CRYBB3: variants seen among roughly 807,000 people sequenced by gnomAD.
CRYBB3 encodes crystallin beta B3, also known as beta-crystallin B3.
CRYBB3 carries 35 observed loss-of-function variants against 28.3 expected under a neutral mutation model. That is an observed-to-expected ratio of 1.24 (90% CI 0.95 to 1.64). CRYBB3 has a LOEUF of 1.64. CRYBB3 is among the 40% of genes most tolerant of loss of function. CRYBB3 has a pLI of 0.00. For synonymous variants in CRYBB3, 106 were observed against 110.4 expected, an observed-to-expected ratio of 0.96 and a Z score of 0.25; for missense variants, 296 against 297.4, an observed-to-expected ratio of 1.00 and a Z score of 0.04.
chr22:25,205,646 A>T (rs986868657), intron 5 of CRYBB3, among the ~76,000 whole-genome samples: 1 of 151,966 alleles, frequency 6.6e-6, no homozygotes, highest in Non-Finnish European at 1.5e-5. Flanking sequence ...TTTTTAGTAG[A>T]GACGGGGTTT....
rs748589671 is a variant in CRYBB3, at chr22:25,203,758, CT to C, written c.195-4del. On this transcript the variant is annotated splice_region_variant and splice_polypyrimidine_tract_variant and intron_variant, in intron 3 of 5. Coordinates refer to ENST00000215855, the MANE Select transcript of CRYBB3 (RefSeq NM_004076.5). Reference sequence around the variant, plus strand: ...GTGACCCAGCCAAGCCTCTTCCTCCCTCAGGTGGCTGGCATTTGAGTCCAGG... The same window carrying C: ...GTGACCCAGCCAAGCCTCTTCCTCCCCAGGTGGCTGGCATTTGAGTCCAGG... The C allele has an allele frequency of 1.5e-5, 25 of 1,614,200 alleles. No homozygotes were observed. In the South Asian group the frequency reaches 2.3e-4, roughly 15 times the overall value.
In CRYBB3 at chr22:25,204,025, A is replaced by G. The variant is rs16979730; in HGVS notation, c.327+130A>G. 8,515 of 1,127,148 alleles carry G rather than the reference A, an allele frequency of 7.6e-3. 482 individuals are homozygous for G. In the African/African-American group the frequency reaches 0.11, roughly 15 times the overall value. 69.8% of individuals were successfully genotyped at this position (1,127,148 alleles called of 1,614,324 possible). On this transcript the variant is annotated intron_variant, in intron 4 of 5. Transcript: ENST00000215855. Reference sequence around the variant, plus strand: ...TGGACCTGGCCTGGGAAGGGCCCTCATGTTTCTGATTTGAACAATTGTGTG... The same window carrying G: ...TGGACCTGGCCTGGGAAGGGCCCTCGTGTTTCTGATTTGAACAATTGTGTG...
intron 3 of CRYBB3, 93 bp from the exon 4 acceptor site, chr22:25,203,670 A>G (rs1934983841): frequency 2.8e-6 from 4 of 1,448,582 alleles, no homozygotes; most frequent in Middle Eastern, 3.5e-4. Context: ...TACAAGGTTC[A>G]AGGTCAGCAG....
intron 4 of CRYBB3, among the ~76,000 whole-genome samples, chr22:25,204,786 C>T (rs1935002342): frequency 6.6e-6 from 1 of 152,156 alleles, no homozygotes; most frequent in South Asian, 2.1e-4. Context: ...CTGCTCCAGC[C>T]CTTTCTCTTT....
At chr22:25,206,714 T>G (rs2330990) in intron 5 of CRYBB3, among the ~76,000 whole-genome samples, 16,894 of 151,632 alleles carry the variant, frequency 0.11, 2,428 homozygotes, top group African/African-American at 0.34. Context: ...CTGTAATGGA[T>G]GCAAGTGGAA....
At position 25,207,129 on chromosome 22, in the gene CRYBB3, G is replaced by A. The variant is rs778621834; in HGVS notation, c.553G>A (p.Asp185Asn). ...RGEYRHWNEW[D>N]ASQPQLQSVR... ...CGAGTACCGCCACTGGAATGAGTGG[G>A]ACGCCAGCCAGCCGCAGCTGCAGTC... The change falls in exon 6 of 6, where the codon GAC becomes AAC. Residue 185 changes from aspartate (D) to asparagine (N), a missense_variant. By Grantham distance (23) the Asp-to-Asn change is conservative. Transcript: ENST00000215855. 1.9e-6 allele frequency: 3 copies of A among 1,613,506 alleles called. No individual in the cohort carries two copies. Among genetic ancestry groups the A allele is most frequent in the Non-Finnish European group, 8.5e-7 (1 of 1,179,948 alleles).
At position 25,202,688 on chromosome 22, in the gene CRYBB3, A is replaced by T; in HGVS notation, c.90A>T (p.Glu30Asp). ...TGCTCTTCTAGGTGATCTTGTACGA[A>T]CTAGAGAACTTCCAAGGCAAACGCT... The part of the protein sequence containing the change: ...LGGSYKVILY[E>D]LENFQGKRCE... The change falls in exon 3 of 6, where the codon GAA (glutamate) becomes GAT (aspartate). Residue 30 changes from glutamate (E) to aspartate (D), a missense_variant. Glu to Asp is a conservative substitution (Grantham distance 45). Transcript: ENST00000215855. 1 of 1,613,948 alleles carries T rather than the reference A, an allele frequency of 6.2e-7. No homozygotes were observed. Among genetic ancestry groups the T allele is most frequent in the Non-Finnish European group, 8.5e-7 (1 of 1,179,932 alleles).
Position 25,207,270 on chromosome 22 carries a change from A to G in CRYBB3, c.*58A>G. 2.0e-6 allele frequency: 3 copies of G among 1,510,692 alleles called. No individual in the cohort carries two copies. Among genetic ancestry groups the G allele is most frequent in the Non-Finnish European group, 2.7e-6 (3 of 1,106,906 alleles). The allele number at this position is 1,510,692 out of a possible 1,614,324, so 93.6% of individuals were successfully genotyped here. A position where few individuals can be genotyped will look rare whatever the true frequency, so the allele number is the denominator to read the frequency against. ...CCTGGGGGGCTGCAAGGGCAAGAAGAGGAGGCTCCAGGGTTGGGGCGAGGG... is the reference window on the plus strand; with the variant it reads ...CCTGGGGGGCTGCAAGGGCAAGAAGGGGAGGCTCCAGGGTTGGGGCGAGGG... On this transcript the variant is annotated 3_prime_UTR_variant, in exon 6 of 6. Transcript: ENST00000215855.
At chr22:25,205,483 G>A (rs545795672) in intron 5 of CRYBB3, 121 bp downstream of exon 5, 53 of 1,211,140 alleles carry the variant, frequency 4.4e-5, no homozygotes, top group African/African-American at 3.9e-4. Context: ...TTTTTGAGAC[G>A]GAGTCTTGCT....
intron 2 of CRYBB3, 64 bp from the exon 3 acceptor site, chr22:25,202,610 G>A: frequency 6.2e-7 from 1 of 1,610,078 alleles, no homozygotes; most frequent in Non-Finnish European, 8.5e-7. Context: ...ATGCCCAAAG[G>A]AGGGGCAGAG....
Position 25,202,755 on chromosome 22 carries a change from C to A in CRYBB3, c.157C>A (p.Leu53Met), listed in dbSNP as rs1363417170. The A allele has an allele frequency of 6.2e-7, 1 of 1,614,060 alleles. No homozygotes were observed. Among genetic ancestry groups the A allele is most frequent in the Non-Finnish European group, 8.5e-7 (1 of 1,179,996 alleles). The change falls in exon 3 of 6, where the codon CTG (leucine) becomes ATG (methionine). Residue 53 changes from leucine (L) to methionine (M), a missense_variant. Transcript: ENST00000215855. Reference protein sequence around the residue: ...AECPSLTDSLLEKVGSIQVES... With the variant: ...AECPSLTDSLMEKVGSIQVES... ...GTGCCCCAGCCTGACCGACAGCCTG[C>A]TGGAGAAGGTGGGCTCCATCCAAGT...
intron 5 of CRYBB3, among the ~76,000 whole-genome samples, 187 bp downstream of exon 5, chr22:25,205,549 T>C (rs1483037270): frequency 6.6e-6 from 1 of 152,178 alleles, no homozygotes; most frequent in East Asian, 1.9e-4. Flanking sequence ...AAGCTCCGCC[T>C]CCCGGGTTCA....
rs1470582595 is a variant in CRYBB3, at chr22:25,205,361, A to G, written c.469A>G (p.Thr157Ala). 3 of 1,613,834 alleles carry G rather than the reference A, an allele frequency of 1.9e-6. No homozygotes were observed. Among genetic ancestry groups the G allele is most frequent in the African/African-American group, 2.7e-5 (2 of 74,890 alleles). ...GGCGAGTGTCCGTGCCATCAACGGG[A>G]CGTAAGGGACCCAACCCTCACCCTT... is the stretch of plus-strand genomic sequence containing the variant. ...RVASVRAINGTWVGYEFPGYR... is the reference protein window; with the variant it reads ...RVASVRAINGAWVGYEFPGYR... Residue 157 changes from threonine (T) to alanine (A), a missense_variant and splice_region_variant, in exon 5 of 6, where the codon ACG (threonine) becomes GCG (alanine). Transcript: ENST00000215855.
chr22:25,207,108 T>G lies in CRYBB3; in HGVS notation c.532T>G (p.Tyr178Asp). 1 of 1,613,110 alleles carries G rather than the reference T, an allele frequency of 6.2e-7. No individual in the cohort carries two copies. Among genetic ancestry groups the G allele is most frequent in the South Asian group, 1.1e-5 (1 of 91,072 alleles). The change falls in exon 6 of 6, where the codon TAC becomes GAC. Residue 178 changes from tyrosine to aspartate, a missense_variant. Coordinates refer to ENST00000215855, the MANE Select transcript of CRYBB3 (RefSeq NM_004076.5). ...CCAGTACGTGTTTGAGCGGGGCGAG[T>G]ACCGCCACTGGAATGAGTGGGACGC... is the stretch of plus-strand genomic sequence containing the variant. ...GRQYVFERGE[Y>D]RHWNEWDASQ... is the part of the protein sequence containing the mutation.
intron 2 of CRYBB3, among the ~76,000 whole-genome samples, chr22:25,201,827 C>A (rs2146072369): frequency 1.3e-5 from 2 of 152,276 alleles, no homozygotes; most frequent in South Asian, 4.1e-4. Context: ...TTTGGAGGCT[C>A]TCTGGGCCTC....
chr22:25,202,841 G>A (rs1400421450), intron 3 of CRYBB3, 49 bp downstream of exon 3: 1 of 1,607,944 alleles, frequency 6.2e-7, no homozygotes, highest in East Asian at 2.2e-5. Flanking sequence ...AGCCTTCTGG[G>A]AGTGTGGAGG....
intron 5 of CRYBB3, among the ~76,000 whole-genome samples, chr22:25,206,347 C>A (rs1935033747): frequency 6.6e-6 from 1 of 152,078 alleles, no homozygotes; most frequent in Non-Finnish European, 1.5e-5. Flanking sequence ...AGTTCATGAC[C>A]AGCCTGACCA....
At chr22:25,206,244 C>T (rs971139672) in intron 5 of CRYBB3, among the ~76,000 whole-genome samples, 1 of 78,668 alleles carries the variant, frequency 1.3e-5, no homozygotes, top group African/African-American at 6.8e-5. Context: ...ATGGCACATC[C>T]TCTGGCCCTC....
intron 4 of CRYBB3, among the ~76,000 whole-genome samples, chr22:25,205,016 T>C (rs1483365240): frequency 6.6e-6 from 1 of 152,218 alleles, no homozygotes; most frequent in Non-Finnish European, 1.5e-5. Flanking sequence ...GGTTCCTAAA[T>C]CAACCAGCTT....
Sources: gnomAD v4.1 joint callset for allele counts (sites outside exome capture counted in the v4.1 genomes callset) on GRCh38, gnomAD v4.1.1 for gene constraint, MANE v1.5 for transcripts, NCBI Gene and HGNC (gene_info 2026-07-23, HGNC 2026-07-21) for gene names.